The following DNAJA3 variants were observed in gnomAD, a reference collection of about 807,000 sequenced individuals.
DNAJA3 encodes dnaJ homolog subfamily A member 3, mitochondrial.
Under a neutral mutation model 54.9 loss-of-function variants are expected in DNAJA3, and 29 were observed. That is an observed-to-expected ratio of 0.53 (90% CI 0.39 to 0.72). The LOEUF is 0.72. DNAJA3 is among the 30% of genes least tolerant of loss of function. The pLI is 0.00. For synonymous variants in DNAJA3, 302 were observed against 251.4 expected, an observed-to-expected ratio of 1.20 and a Z score of -1.90; for missense variants, 708 against 639.4, an observed-to-expected ratio of 1.11 and a Z score of -1.16.
At position 4,442,250 on chromosome 16, in the gene DNAJA3, G is replaced by A. The variant is rs1453245163; in HGVS notation, c.631-18G>A. 1 of 1,557,984 alleles carries A rather than the reference G, an allele frequency of 6.4e-7. No individual in the cohort carries two copies. The highest frequency in any genetic ancestry group is 8.7e-7 in the Non-Finnish European group (1 of 1,148,106). Reference sequence around the variant, plus strand: ...CGTTGCAAACAAAAGTTGACAGGCTGTCCCTTGGTTTCTTTAGTACTTCAT... The same window carrying A: ...CGTTGCAAACAAAAGTTGACAGGCTATCCCTTGGTTTCTTTAGTACTTCAT... On this transcript the variant is annotated intron_variant, in intron 4 of 11. Coordinates refer to ENST00000262375, the MANE Select transcript of DNAJA3 (RefSeq NM_005147.6).
intron 1 of DNAJA3, among the ~76,000 whole-genome samples, chr16:4,432,969 G>T (rs533559121): frequency 3.3e-5 from 5 of 150,844 alleles, no homozygotes; most frequent in Non-Finnish European, 7.4e-5. Context: ...GCGAAACCCC[G>T]TCTCTACTAA....
At chr16:4,427,514 G>A (rs907627241) in intron 1 of DNAJA3, 4 of 152,126 alleles carry the variant, frequency 2.6e-5, no homozygotes, top group African/African-American at 7.2e-5. Context: ...GTCTGTGAGC[G>A]GGGTGTATTA....
intron 1 of DNAJA3, among the ~76,000 whole-genome samples, chr16:4,428,134 G>T (rs1453600653): frequency 6.6e-6 from 1 of 152,028 alleles, no homozygotes; most frequent in Non-Finnish European, 1.5e-5. Flanking sequence ...TGTATTTTTA[G>T]TAGAGACAGG....
intron 1 of DNAJA3, among the ~76,000 whole-genome samples, chr16:4,426,537 C>G (rs1391693179): frequency 2.6e-5 from 4 of 152,218 alleles, no homozygotes; most frequent in Non-Finnish European, 4.4e-5. Flanking sequence ...ACGGAGGAAT[C>G]GACCAGCCCA....
intron 10 of DNAJA3, among the ~76,000 whole-genome samples, chr16:4,452,117 A>G (rs958617341): frequency 1.3e-5 from 2 of 152,048 alleles, no homozygotes; most frequent in African/African-American, 4.8e-5. Context: ...CTGTAGCCCA[A>G]CCAGGTTCCA....
intron 10 of DNAJA3, among the ~76,000 whole-genome samples, chr16:4,453,942 A>G (rs2057006207): frequency 6.6e-6 from 1 of 152,200 alleles, no homozygotes. Flanking sequence ...GTTCAGGTCT[A>G]TATTCTAACT....
intron 1 of DNAJA3, among the ~76,000 whole-genome samples, chr16:4,429,850 A>G (rs1401009908): frequency 6.6e-6 from 1 of 151,818 alleles, no homozygotes; most frequent in Non-Finnish European, 1.5e-5. Flanking sequence ...AAAAAAAATT[A>G]GCCAACTATG....
chr16:4,447,760 G>C (rs2056920249), intron 8 of DNAJA3: 1 of 151,442 alleles, frequency 6.6e-6, no homozygotes, highest in African/African-American at 2.4e-5. Context: ...ACCCAACTTA[G>C]CTCATTTCCA....
At chr16:4,451,159 C>T (rs1306125222) in intron 10 of DNAJA3, among the ~76,000 whole-genome samples, 1 of 152,184 alleles carries the variant, frequency 6.6e-6, no homozygotes, top group Admixed American at 6.5e-5. Flanking sequence ...TCTGGGGCCT[C>T]TTTCCTGGGA....
At chr16:4,432,514 G>C (rs968766406) in intron 1 of DNAJA3, among the ~76,000 whole-genome samples, 3 of 150,684 alleles carry the variant, frequency 2.0e-5, no homozygotes, top group Non-Finnish European at 4.4e-5. Flanking sequence ...GGCTAATTTT[G>C]TATTTTTAGT....
chr16:4,447,121 G>C (rs35692056), intron 8 of DNAJA3, 107 bp downstream of exon 8: 129,583 of 1,349,572 alleles, frequency 0.096, 7,217 homozygotes, highest in South Asian at 0.21. Context: ...ACCAGCATGT[G>C]GGGGGGCACT....
intron 10 of DNAJA3, among the ~76,000 whole-genome samples, chr16:4,452,745 C>T (rs1462854494): frequency 3.9e-5 from 6 of 152,134 alleles, no homozygotes; most frequent in African/African-American, 1.4e-4. Context: ...TCTGTCTCTA[C>T]AAAAAATTTC....
At chr16:4,450,329 C>G (rs567719181) in intron 9 of DNAJA3, 71 bp from the exon 10 acceptor site, 1 of 1,321,578 alleles carries the variant, frequency 7.6e-7, no homozygotes, top group African/African-American at 1.5e-5. Flanking sequence ...TGCGAGGGTG[C>G]TGGCTGCCTG....
At chr16:4,432,798 T>C (rs1165575371) in intron 1 of DNAJA3, among the ~76,000 whole-genome samples, 1 of 151,364 alleles carries the variant, frequency 6.6e-6, no homozygotes, top group Admixed American at 6.6e-5. Context: ...ATCGCACCAC[T>C]GCACGCCAGT....
chr16:4,437,302 A>G, intron 2 of DNAJA3, 100 bp from the exon 3 acceptor site: 1 of 982,836 alleles, frequency 1.0e-6, no homozygotes, highest in Non-Finnish European at 1.6e-6. Context: ...GAACATAATT[A>G]TGACTGGTAT....
intron 1 of DNAJA3, 24 bp from the exon 2 acceptor site, chr16:4,434,358 GAT>G (rs762903719): frequency 2.5e-6 from 4 of 1,609,576 alleles, no homozygotes; most frequent in Non-Finnish European, 8.5e-7. Flanking sequence ...TTCCCAGAGT[GAT>G]TTTCTTTGTT....
chr16:4,434,709 G>T (rs922499124), intron 2 of DNAJA3, among the ~76,000 whole-genome samples, 192 bp downstream of exon 2: 6 of 151,840 alleles, frequency 4.0e-5, no homozygotes, highest in Non-Finnish European at 8.8e-5. Context: ...TGGTGCTTCA[G>T]AAAAAAGAGG....
intron 9 of DNAJA3, 85 bp downstream of exon 9, chr16:4,448,933 G>T: frequency 2.0e-6 from 2 of 991,566 alleles, no homozygotes; most frequent in Non-Finnish European, 3.1e-6. Flanking sequence ...GCAGGTTACT[G>T]CTCCCTGTAA....
intron 8 of DNAJA3, 194 bp downstream of exon 8, chr16:4,447,208 G>T: frequency 1.7e-6 from 1 of 605,244 alleles, no homozygotes; most frequent in Non-Finnish European, 2.8e-6. Context: ...GTCTATAATC[G>T]CATGGGAAGC....
Sources: gnomAD v4.1 joint callset for allele counts (sites outside exome capture counted in the v4.1 genomes callset) on GRCh38, gnomAD v4.1.1 for gene constraint, MANE v1.5 for transcripts, NCBI Gene and HGNC (gene_info 2026-07-23, HGNC 2026-07-21) for gene names.